The following JMJD1C variants were observed in gnomAD, a reference collection of about 807,000 sequenced individuals.
JMJD1C encodes jumonji domain-containing protein 1C.
Under a neutral mutation model 245.3 loss-of-function variants are expected in JMJD1C, and 31 were observed. The ratio of observed to expected loss-of-function variants is 0.13; its 90% confidence interval spans 0.09 to 0.17. JMJD1C has a LOEUF of 0.17. JMJD1C is among the 10% of genes least tolerant of loss of function. JMJD1C has a pLI of 1.00. For missense variants in JMJD1C, 2,691 were observed against 3,000.2 expected, an observed-to-expected ratio of 0.90 and a Z score of 2.41; for synonymous variants, 1,057 against 1,017.4, an observed-to-expected ratio of 1.04 and a Z score of -0.74.
At chr10:63,414,677 C>T (rs768548055) in intron 1 of JMJD1C, among the ~76,000 whole-genome samples, 5 of 152,050 alleles carry the variant, frequency 3.3e-5, no homozygotes, top group Non-Finnish European at 7.4e-5. Flanking sequence ...CACTTGAGGT[C>T]AGGAATTCAA....
intron 1 of JMJD1C, among the ~76,000 whole-genome samples, chr10:63,501,989 T>C (rs1284573750): frequency 1.3e-5 from 2 of 152,188 alleles, no homozygotes; most frequent in African/African-American, 4.8e-5. Flanking sequence ...TTTCTAAAGG[T>C]AGTAAATAAG....
intron 2 of JMJD1C, among the ~76,000 whole-genome samples, chr10:63,279,177 G>A (rs138704134): frequency 0.051 from 7,756 of 152,136 alleles, 298 homozygotes; most frequent in African/African-American, 0.11. Flanking sequence ...TTGAACCCAC[G>A]AGGCAGAGGT....
intron 1 of JMJD1C, among the ~76,000 whole-genome samples, chr10:63,439,242 A>C (rs1455894271): frequency 2.6e-5 from 4 of 152,234 alleles, no homozygotes; most frequent in African/African-American, 4.8e-5. Context: ...CTGTATTTTT[A>C]GACCTCAGTA....
intron 1 of JMJD1C, among the ~76,000 whole-genome samples, chr10:63,476,841 G>A (rs1034838909): frequency 6.6e-6 from 1 of 152,184 alleles, no homozygotes; most frequent in African/African-American, 2.4e-5. Flanking sequence ...GAGGCAAGAG[G>A]ACCACTTGAG....
At chr10:63,340,286 A>G (rs1370140355) in intron 2 of JMJD1C, among the ~76,000 whole-genome samples, 2 of 152,196 alleles carry the variant, frequency 1.3e-5, no homozygotes, top group African/African-American at 4.8e-5. Flanking sequence ...TCTTTTCTGA[A>G]TACGCCCAGA....
At chr10:63,508,819 G>C (rs72837060) in intron 1 of JMJD1C, among the ~76,000 whole-genome samples, 15,737 of 152,188 alleles carry the variant, frequency 0.1, 1,149 homozygotes, top group Non-Finnish European at 0.16. Context: ...TGGTTTACAA[G>C]TTCCAGAAGT....
chr10:63,288,589 T>C (rs1458292683), intron 2 of JMJD1C, among the ~76,000 whole-genome samples: 2 of 152,172 alleles, frequency 1.3e-5, no homozygotes, highest in African/African-American at 4.8e-5. Context: ...CATGCTCTTA[T>C]TGTTGAGTTT....
chr10:63,272,036 G>A (rs1856370263), intron 2 of JMJD1C, among the ~76,000 whole-genome samples: 1 of 148,138 alleles, frequency 6.8e-6, no homozygotes, highest in African/African-American at 2.5e-5. Flanking sequence ...TCATACCACT[G>A]CACTCTGGCC....
intron 1 of JMJD1C, among the ~76,000 whole-genome samples, chr10:63,409,629 G>A (rs1454427779): frequency 1.3e-5 from 2 of 152,174 alleles, no homozygotes; most frequent in Non-Finnish European, 2.9e-5. Flanking sequence ...TTCTGCATCT[G>A]AGAAGGTAAG....
At position 63,167,984 on chromosome 10, in the gene JMJD1C, T is replaced by C. The variant is rs1373299337; in HGVS notation, c.*61A>G. The stretch of plus-strand genomic sequence containing the variant: ...AGCTTAAAGTCAGTGTGCATACATA[T>C]CATCATTCAAGGTTAAGTAATCCCA... On this transcript the variant is annotated 3_prime_UTR_variant, in exon 26 of 26. Transcript: ENST00000399262. 3 of 958,146 alleles carry C rather than the reference T, an allele frequency of 3.1e-6. No individual in the cohort carries two copies. Among genetic ancestry groups the C allele is most frequent in the Non-Finnish European group, 5.1e-6 (3 of 586,900 alleles). The allele number at this position is 958,146 out of a possible 1,614,324, so 59.4% of individuals were successfully genotyped here. A position where few individuals can be genotyped will look rare whatever the true frequency, so the allele number is the denominator to read the frequency against.
intron 2 of JMJD1C, among the ~76,000 whole-genome samples, chr10:63,296,715 A>G (rs747642651): frequency 7.2e-5 from 11 of 152,212 alleles, no homozygotes; most frequent in Non-Finnish European, 1.2e-4. Flanking sequence ...ATTTTTAGTG[A>G]GTAGGCATAT....
rs1414078250 is a variant in JMJD1C at position 63,388,230 on chromosome 10, G to GC, written c.169-7749dup. On this transcript the variant is annotated intron_variant, in intron 1 of 25. Coordinates refer to ENST00000399262, the MANE Select transcript of JMJD1C (RefSeq NM_032776.3). Reference sequence around the variant, plus strand: ...TCAAAGACAGAGAATTCTTTAAAAAGCAAGACATAACTATCTAGTCACTTA... The same window carrying GC: ...TCAAAGACAGAGAATTCTTTAAAAAGCCAAGACATAACTATCTAGTCACTTA... 1.3e-5 allele frequency among the ~76,000 whole-genome samples: 2 copies of GC among 151,660 alleles called. 1 individual carries two copies. Among genetic ancestry groups the GC allele is most frequent in the African/African-American group, 4.8e-5 (2 of 41,248 alleles).
rs750961240 is a variant in JMJD1C, at chr10:63,213,800, A to C, written c.2367T>G (p.Ala789=). 2 of 1,614,108 alleles carry C rather than the reference A, an allele frequency of 1.2e-6. No homozygotes were observed. Among genetic ancestry groups the C allele is most frequent in the African/African-American group, 2.7e-5 (2 of 75,062 alleles). ...TGGGAAGTAAATGAGGGTGATGAACAGCATGGTGTGGACCACTAGTCAGAG... is the reference window on the plus strand; with the variant it reads ...TGGGAAGTAAATGAGGGTGATGAACCGCATGGTGTGGACCACTAGTCAGAG... ...THPLTSGPHH[A]VHHPHLLPTV... is the part of the protein sequence containing the mutation. Residue 789 remains alanine (A), a synonymous_variant, in exon 8 of 26, where the codon GCT becomes GCG. Transcript: ENST00000399262.
intron 3 of JMJD1C, among the ~76,000 whole-genome samples, chr10:63,262,880 C>T (rs1043300963): frequency 6.6e-6 from 1 of 151,960 alleles, no homozygotes; most frequent in Non-Finnish European, 1.5e-5. Flanking sequence ...AAAAACATGT[C>T]GAGTTTTAGG....
intron 3 of JMJD1C, among the ~76,000 whole-genome samples, chr10:63,235,910 T>C (rs924923384): frequency 1.3e-5 from 2 of 152,210 alleles, no homozygotes; most frequent in African/African-American, 4.8e-5. Flanking sequence ...ACCCAATTTA[T>C]CCAATCATTT....
At chr10:63,292,144 AT>A (rs573065816) in intron 2 of JMJD1C, among the ~76,000 whole-genome samples, 39 of 56,348 alleles carry the variant, frequency 6.9e-4, no homozygotes, top group South Asian at 4.8e-3. Context: ...GTAGAGACAG[AT>A]TTTTTTTTTT....
intron 4 of JMJD1C, 118 bp from the exon 5 acceptor site, chr10:63,217,449 CA>C (rs1164237575): frequency 1.0e-5 from 8 of 762,414 alleles, no homozygotes; most frequent in African/African-American, 3.6e-5. Flanking sequence ...TATCAGTTTT[CA>C]AAAAAATGTT....
intron 1 of JMJD1C, 168 bp downstream of exon 1, chr10:63,465,327 G>T: frequency 1.4e-6 from 1 of 698,750 alleles, no homozygotes; most frequent in Non-Finnish European, 2.3e-6. Context: ...TCGGAGAGAC[G>T]CAGGGACCCA....
rs568228497 is a variant in JMJD1C, at chr10:63,312,390, G to A, written c.334-47626C>T. Among the ~76,000 whole-genome samples, 3 of 152,274 alleles carry A rather than the reference G, an allele frequency of 2.0e-5. No individual in the cohort carries two copies. In the East Asian group the frequency reaches 5.8e-4, roughly 29 times the overall value. On this transcript the variant is annotated intron_variant, in intron 2 of 25. Coordinates refer to ENST00000399262, the MANE Select transcript of JMJD1C (RefSeq NM_032776.3). ...CCCCAAGTGCTGGGATTACAGGCAT[G>A]AGCCACCATGCCCGGTTGACTAGCT...
Sources: allele counts gnomAD v4.1 joint callset (sites outside exome capture counted in the v4.1 genomes callset), GRCh38; gene constraint gnomAD v4.1.1; transcripts MANE v1.5; gene names NCBI Gene and HGNC (gene_info 2026-07-23, HGNC 2026-07-21).